ANKRD31: variants seen among roughly 807,000 people sequenced by gnomAD.
The protein encoded by ANKRD31 is ankyrin repeat domain-containing protein 31.
In ANKRD31, 147 loss-of-function variants were observed where a neutral mutation model predicts 186.0. That is an observed-to-expected ratio of 0.79 (90% confidence interval 0.69 to 0.91). The LOEUF (loss-of-function observed/expected upper bound fraction) is 0.91, where lower values mean the gene tolerates loss of function less well. ANKRD31 is among the 40% of genes least tolerant of loss of function. ANKRD31 has a pLI of 0.00. For synonymous variants in ANKRD31, 673 were observed against 736.4 expected (o/e 0.91, Z 1.39); for missense variants, 1,986 against 2,148.8 (o/e 0.92, Z 1.50).
At position 75,154,266 on chromosome 5, in the gene ANKRD31, T is replaced by C. The variant is rs559558288; in HGVS notation, c.1787A>G (p.Lys596Arg). The change falls in exon 12 of 26, where the codon AAG becomes AGG. Residue 596 changes from lysine to arginine, a missense_variant. Transcript: ENST00000506364. ...DDGKCALDEA[K>R]DLCMKRLLER... ...AAGGAGACGCTTCATACATAAATCCTTGGCCTCATCCAAAGCACATTTTCC... is the reference window on the plus strand; with the variant it reads ...AAGGAGACGCTTCATACATAAATCCCTGGCCTCATCCAAAGCACATTTTCC... 1 of 1,535,998 alleles carries C rather than the reference T, an allele frequency of 6.5e-7. No individual in the cohort carries two copies. Among genetic ancestry groups the C allele is most frequent in the East Asian group, 2.4e-5 (1 of 40,820 alleles).
Position 75,226,157 on chromosome 5 carries a change from C to T in ANKRD31, c.179-3799G>A, listed in dbSNP as rs757054293. ...TCAGCCACAGTAGAATAGAATACCA[C>T]GTAAATTTCTAAGGTTTTTGATTCC... On this transcript the variant is annotated intron_variant, in intron 2 of 25. Coordinates refer to ENST00000506364, the MANE Select transcript of ANKRD31 (RefSeq NM_001372053.1). Among the ~76,000 whole-genome samples the T allele has an allele frequency of 7.7e-4, 118 of 152,276 alleles. 1 individual carries two copies. Among genetic ancestry groups the T allele is most frequent in the African/African-American group, 2.6e-3 (110 of 41,546 alleles).
intron 9 of ANKRD31, among the ~76,000 whole-genome samples, chr5:75,191,435 G>A (rs1165525401): frequency 1.3e-5 from 2 of 151,966 alleles, no homozygotes; most frequent in East Asian, 3.8e-4. Context: ...AAAAGGTCCT[G>A]CCACTCTAAC....
At chr5:75,232,120 T>C (rs1290276075) in intron 1 of ANKRD31, among the ~76,000 whole-genome samples, 1 of 152,190 alleles carries the variant, frequency 6.6e-6, no homozygotes, top group African/African-American at 2.4e-5. Context: ...CAAAAATGCA[T>C]TATTAGAATA....
At chr5:75,194,144 A>G (rs1755301268) in intron 7 of ANKRD31, among the ~76,000 whole-genome samples, 2 of 152,276 alleles carry the variant, frequency 1.3e-5, no homozygotes, top group South Asian at 4.1e-4. Flanking sequence ...CGTATCATCT[A>G]AACCTTTCTT....
intron 25 of ANKRD31, among the ~76,000 whole-genome samples, chr5:75,077,931 CAAAAAAAAAAAA>C (rs56910458): frequency 1.5e-5 from 1 of 66,732 alleles, no homozygotes. Context: ...GACTCCGTCT[CAAAAAAAAAAAA>C]AAAAAAAAAA....
chr5:75,195,817 T>C lies in ANKRD31; in HGVS notation c.831A>G (p.Leu277=), dbSNP rs1276851045. 1 of 1,537,368 alleles carries C rather than the reference T, an allele frequency of 6.5e-7. No homozygotes were observed. ...NSWSACHRDL[L]EDAKDDALPA... The stretch of plus-strand genomic sequence containing the variant: ...GCAATGCATCATCTTTTGCATCTTC[T>C]AGTAAATCTCTATGACATGCCGACC... The change falls in exon 7 of 26, where the codon CTA becomes CTG. Residue 277 remains leucine (L), a synonymous_variant. Transcript: ENST00000506364.
chr5:75,207,763 T>C (rs1381599004), intron 4 of ANKRD31, among the ~76,000 whole-genome samples: 2 of 152,154 alleles, frequency 1.3e-5, no homozygotes, highest in East Asian at 1.9e-4. Context: ...AATGGTTCTC[T>C]AGGCAGAGAG....
At position 75,148,621 on chromosome 5, in the gene ANKRD31, C is replaced by T. The variant is rs1052026761; in HGVS notation, c.1860G>A (p.Arg620=). 6.6e-7 allele frequency: 1 copy of T among 1,522,068 alleles called. No homozygotes were observed. The highest frequency in any genetic ancestry group is 1.4e-5 in the African/African-American group (1 of 72,354). 94.3% of individuals were successfully genotyped at this position (1,522,068 alleles called of 1,614,324 possible). A position where few individuals can be genotyped will look rare whatever the true frequency, so the allele number is the denominator to read the frequency against. The change falls in exon 13 of 26, where the codon AGG becomes AGA. Residue 620 remains arginine, a synonymous_variant. Coordinates refer to ENST00000506364, the MANE Select transcript of ANKRD31 (RefSeq NM_001372053.1). ...CTATGTCTAGTGGGTCAATGCTACTCCTTTGAGCTGTAAACAAAAAGAGAA... is the reference window on the plus strand; with the variant it reads ...CTATGTCTAGTGGGTCAATGCTACTTCTTTGAGCTGTAAACAAAAAGAGAA... The part of the protein sequence containing the change: ...KHQKCLTSAQ[R]SSIDPLDIED...
chr5:75,086,396 A>G (rs1745484487), intron 23 of ANKRD31, among the ~76,000 whole-genome samples: 1 of 152,250 alleles, frequency 6.6e-6, no homozygotes, highest in African/African-American at 2.4e-5. Context: ...AATGTCATGA[A>G]AAACCTCCAG....
At position 75,105,205 on chromosome 5, in the gene ANKRD31, ACT is replaced by A. The variant is rs1487562457; in HGVS notation, c.4352_4353del (p.Glu1451ValfsTer3). 6.6e-7 allele frequency: 1 copy of A among 1,517,332 alleles called. No homozygotes were observed. The highest frequency in any genetic ancestry group is 1.4e-5 in the African/African-American group (1 of 71,580). The allele number at this position is 1,517,332 out of a possible 1,614,324, so 94.0% of individuals were successfully genotyped here. ...DLAKKYRVSI[E>X]SFKHGALREQ... ...TCTCTCAGGGCTCCATGCTTAAATG[ACT>A]CTATGGATACCCTATAGGAAGAAAC... On this transcript the variant is annotated frameshift_variant, in exon 22 of 26. Coordinates refer to ENST00000506364, the MANE Select transcript of ANKRD31 (RefSeq NM_001372053.1). LOFTEE classifies it high-confidence loss of function.
chr5:75,232,768 T>A (rs71627084), intron 1 of ANKRD31, among the ~76,000 whole-genome samples: 1 of 152,168 alleles, frequency 6.6e-6, no homozygotes, highest in Non-Finnish European at 1.5e-5. Flanking sequence ...TAAGCCACTG[T>A]GACATACGGA....
At chr5:75,118,571 G>A (rs184927464) in intron 17 of ANKRD31, among the ~76,000 whole-genome samples, 2 of 152,162 alleles carry the variant, frequency 1.3e-5, no homozygotes, top group Non-Finnish European at 2.9e-5. Context: ...TTCAGTTCTA[G>A]ATCGGTACTG....
intron 9 of ANKRD31, among the ~76,000 whole-genome samples, chr5:75,189,271 A>G (rs1259322175): frequency 1.3e-5 from 2 of 152,200 alleles, no homozygotes; most frequent in Non-Finnish European, 2.9e-5. Context: ...ATCAAGTATC[A>G]ATTCTCCACT....
chr5:75,076,914 G>A (rs1231335922), intron 25 of ANKRD31, among the ~76,000 whole-genome samples: 1 of 151,904 alleles, frequency 6.6e-6, no homozygotes, highest in Non-Finnish European at 1.5e-5. Flanking sequence ...AAAACAAAAT[G>A]ATTAACAATT....
At chr5:75,226,100 G>C (rs1036163870) in intron 2 of ANKRD31, among the ~76,000 whole-genome samples, 1 of 152,210 alleles carries the variant, frequency 6.6e-6, no homozygotes, top group African/African-American at 2.4e-5. Flanking sequence ...GGAACGGTGG[G>C]AAGGACTGTG....
chr5:75,201,706 GC>G (rs1252330048), intron 5 of ANKRD31, among the ~76,000 whole-genome samples: 2 of 152,132 alleles, frequency 1.3e-5, no homozygotes, highest in African/African-American at 4.8e-5. Context: ...GTTGGTTCAG[GC>G]CTTGAAGGGA....
chr5:75,104,200 T>A (rs1294144793), intron 22 of ANKRD31, 28 bp downstream of exon 22: 1 of 1,436,406 alleles, frequency 7.0e-7, no homozygotes. Context: ...AAAATTTGCA[T>A]GATTTTAGAG....
chr5:75,193,513 T>G lies in ANKRD31; in HGVS notation c.1096A>C (p.Lys366Gln). ...TTTGTCACTGAATTTGAATTTCTCT[T>G]ATTACTTAGTGGCTCACAAGAAGTG... Reference protein sequence around the residue: ...NITSCEPLSNKRNSNSVTNSS... With the variant: ...NITSCEPLSNQRNSNSVTNSS... The change falls in exon 8 of 26, where the codon AAG (lysine) becomes CAG (glutamine). Residue 366 changes from lysine (K) to glutamine (Q), a missense_variant. Lys to Gln is a moderately conservative substitution (Grantham distance 53). Coordinates refer to ENST00000506364, the MANE Select transcript of ANKRD31 (RefSeq NM_001372053.1). 6.5e-7 allele frequency: 1 copy of G among 1,537,104 alleles called. No homozygotes were observed. Among genetic ancestry groups the G allele is most frequent in the Non-Finnish European group, 8.7e-7 (1 of 1,146,728 alleles).
Position 75,138,958 on chromosome 5 carries a change from C to T in ANKRD31, c.3621G>A (p.Lys1207=), listed in dbSNP as rs1750812970. 4 of 1,536,812 alleles carry T rather than the reference C, an allele frequency of 2.6e-6. No individual in the cohort carries two copies. The highest frequency in any genetic ancestry group is 1.7e-4 in the Middle Eastern group (1 of 5,984). The change falls in exon 16 of 26, where the codon AAG becomes AAA. Residue 1207 remains lysine (K), a synonymous_variant. Coordinates refer to ENST00000506364, the MANE Select transcript of ANKRD31 (RefSeq NM_001372053.1). The part of the protein sequence containing the change: ...NLGMKAGRIN[K]RNARGESQLH... ...GCTGGCTTTCCCCTCTGGCATTCCT[C>T]TTGTTGATCCTACCTGCTTTCATTC...
Sources: gnomAD v4.1 joint callset for allele counts (sites outside exome capture counted in the v4.1 genomes callset) on GRCh38, gnomAD v4.1.1 for gene constraint, MANE v1.5 for transcripts, NCBI Gene and HGNC (gene_info 2026-07-23, HGNC 2026-07-21) for gene names.